The following RYR2 variants were observed in gnomAD, a reference collection of about 807,000 sequenced individuals.
The protein encoded by RYR2 is cardiac muscle ryanodine receptor-calcium release channel.
RYR2 carries 227 observed loss-of-function variants against 601.1 expected under a neutral mutation model. The ratio of observed to expected loss-of-function variants is 0.38; its 90% CI spans 0.34 to 0.42. The LOEUF (loss-of-function observed/expected upper bound fraction) is 0.42, where lower values mean the gene tolerates loss of function less well. RYR2 is among the 10% of genes least tolerant of loss of function. The probability of loss-of-function intolerance (pLI) is 1.00; values close to 1 mark genes in which losing one functional copy is unlikely to be tolerated. For missense variants in RYR2, 4,646 were observed against 6,156.5 expected, an observed-to-expected ratio of 0.75 and a Z score of 8.21; for synonymous variants, 2,223 against 2,175.1, an observed-to-expected ratio of 1.02 and a Z score of -0.61.
chr1:237,734,566 T>C lies in RYR2; in HGVS notation c.11091+810T>C, dbSNP rs192526622. On this transcript the variant is annotated intron_variant, in intron 79 of 104. Coordinates refer to ENST00000366574, the MANE Select transcript of RYR2 (RefSeq NM_001035.3). ...AGGTCTGCTTAAGGAAGTCTTTGGC[T>C]GTTGAACCATGAGTTGGCCATGCAA... Among the ~76,000 whole-genome samples the C allele has an allele frequency of 4.6e-5, 7 of 152,354 alleles. No individual in the cohort carries two copies. The South Asian group carries it at 8.3e-4, about 18-fold the overall frequency.
At chr1:237,376,718 A>T (rs1275647882) in intron 7 of RYR2, among the ~76,000 whole-genome samples, 1 of 152,208 alleles carries the variant, frequency 6.6e-6, no homozygotes, top group African/African-American at 2.4e-5. Context: ...ATGTAAACCA[A>T]GATCTTTTAT....
intron 38 of RYR2, among the ~76,000 whole-genome samples, chr1:237,619,643 A>G (rs781176514): frequency 3.4e-4 from 51 of 151,802 alleles, no homozygotes; most frequent in Non-Finnish European, 5.7e-4. Flanking sequence ...TCCGTATAGG[A>G]TAAACATAAA....
At chr1:237,571,413 C>T in intron 29 of RYR2, among the ~76,000 whole-genome samples, 1 of 151,104 alleles carries the variant, frequency 6.6e-6, no homozygotes, top group East Asian at 2.0e-4. Flanking sequence ...CTCCCAGGTT[C>T]AAGCAATTCT....
chr1:237,653,555 A>G (rs1475459954), intron 51 of RYR2, among the ~76,000 whole-genome samples: 1 of 152,250 alleles, frequency 6.6e-6, no homozygotes, highest in Non-Finnish European at 1.5e-5. Flanking sequence ...TAAATTTGAA[A>G]GAGACATAGT....
intron 1 of RYR2, among the ~76,000 whole-genome samples, chr1:237,263,037 A>C (rs958699668): frequency 6.6e-6 from 1 of 152,156 alleles, no homozygotes; most frequent in Admixed American, 6.5e-5. Context: ...AAGGGACTGC[A>C]TTGCTTTTTT....
Position 237,158,362 on chromosome 1 carries a change from C to T in RYR2, c.49-112135C>T, listed in dbSNP as rs544159566. ...GGGAAAGGACATTGAAGAGAGAGAACAAGATAAGCGTCTGGAAGAAAGAGA... is the reference window on the plus strand; with the variant it reads ...GGGAAAGGACATTGAAGAGAGAGAATAAGATAAGCGTCTGGAAGAAAGAGA... On this transcript the variant is annotated intron_variant, in intron 1 of 104. Coordinates refer to ENST00000366574, the MANE Select transcript of RYR2 (RefSeq NM_001035.3). Among the ~76,000 whole-genome samples, 16 of 152,206 alleles carry T rather than the reference C, an allele frequency of 1.1e-4. No individual in the cohort carries two copies. The South Asian group carries it at 2.3e-3, about 22-fold the overall frequency.
intron 1 of RYR2, among the ~76,000 whole-genome samples, chr1:237,132,012 C>A (rs1672223069): frequency 6.6e-6 from 1 of 152,226 alleles, no homozygotes; most frequent in South Asian, 2.1e-4. Context: ...GCATGAGCCA[C>A]CGTGTCTGGC....
At chr1:237,821,401 T>C (rs1307037231) in intron 101 of RYR2, among the ~76,000 whole-genome samples, 1 of 152,104 alleles carries the variant, frequency 6.6e-6, no homozygotes, top group Non-Finnish European at 1.5e-5. Context: ...GGAGTGGACC[T>C]CCAGCAAACT....
At chr1:237,480,378 CAAAAAAAAAAA>C (rs61271895) in intron 17 of RYR2, among the ~76,000 whole-genome samples, 2 of 57,698 alleles carry the variant, frequency 3.5e-5, no homozygotes, top group African/African-American at 5.1e-5. Flanking sequence ...AAGATCATCT[CAAAAAAAAAAA>C]AAAAAAAAAA....
Position 237,830,636 on chromosome 1 carries a change from T to C in RYR2, c.14756+6T>C. ...CACAACTTGGCTAATTACTTGTGAG[T>C]GTGCCCGTTTCAGAATCTTCCACCT... On this transcript the variant is annotated splice_donor_region_variant and intron_variant, in intron 103 of 104. Coordinates refer to ENST00000366574, the MANE Select transcript of RYR2 (RefSeq NM_001035.3). 1 of 1,502,994 alleles carries C rather than the reference T, an allele frequency of 6.7e-7. No individual in the cohort carries two copies. The highest frequency in any genetic ancestry group is 9.3e-7 in the Non-Finnish European group (1 of 1,080,194). The allele number at this position is 1,502,994 out of a possible 1,614,324, so 93.1% of individuals were successfully genotyped here.
chr1:237,227,966 CTTTT>C (rs34963620), intron 1 of RYR2, among the ~76,000 whole-genome samples: 6 of 148,584 alleles, frequency 4.0e-5, no homozygotes, highest in East Asian at 3.9e-4. Flanking sequence ...TTGTTTTTGC[CTTTT>C]TTTTTTTATT....
chr1:237,277,748 A>T (rs1220284321), intron 2 of RYR2, among the ~76,000 whole-genome samples: 1 of 151,918 alleles, frequency 6.6e-6, no homozygotes, highest in African/African-American at 2.4e-5. Context: ...TGAGCCTAAC[A>T]GTTTGAGGCT....
In RYR2 at chr1:237,579,259, T is replaced by C. The variant is rs1331142634; in HGVS notation, c.3598+9940T>C. ...TACTTCTTCTTCTTCTTTTTTTTTT[T>C]TTTTTTTTTTTTTTGAGACAGAGTT... On this transcript the variant is annotated intron_variant, in intron 29 of 104. Transcript: ENST00000366574. 3.6e-3 allele frequency among the ~76,000 whole-genome samples: 515 copies of C among 145,064 alleles called. 3 individuals carry two copies. Among genetic ancestry groups the C allele is most frequent in the East Asian group, 0.021 (107 of 5,004 alleles).
At chr1:237,197,049 CAT>C (rs1377947584) in intron 1 of RYR2, among the ~76,000 whole-genome samples, 4 of 152,130 alleles carry the variant, frequency 2.6e-5, no homozygotes, top group Admixed American at 6.5e-5. Context: ...TCTTTAAAAA[CAT>C]ATATGTTCTG....
intron 98 of RYR2, among the ~76,000 whole-genome samples, chr1:237,805,878 A>G (rs1427120491): frequency 2.6e-5 from 4 of 152,142 alleles, no homozygotes; most frequent in Non-Finnish European, 5.9e-5. Flanking sequence ...AGAACCCCAG[A>G]ACTTATTTTT....
chr1:237,356,473 A>G (rs1268518333), intron 4 of RYR2, among the ~76,000 whole-genome samples: 4 of 151,122 alleles, frequency 2.6e-5, no homozygotes, highest in African/African-American at 9.8e-5. Context: ...TATGTTGCCC[A>G]GGCTGGTCTT....
At chr1:237,473,459 T>TTCTTTCTA (rs1450110678) in intron 17 of RYR2, among the ~76,000 whole-genome samples, 26 of 136,678 alleles carry the variant, frequency 1.9e-4, no homozygotes, top group African/African-American at 2.3e-4. Context: ...CTTTCTTTCT[T>TTCTTTCTA]TCTATCTATC....
At chr1:237,074,050 C>G (rs984360569) in intron 1 of RYR2, among the ~76,000 whole-genome samples, 6 of 151,930 alleles carry the variant, frequency 3.9e-5, no homozygotes, top group Admixed American at 6.6e-5. Flanking sequence ...TAAATGATGG[C>G]TCATGTCTGT....
intron 6 of RYR2, among the ~76,000 whole-genome samples, chr1:237,369,971 A>C (rs958334967): frequency 3.3e-5 from 5 of 152,204 alleles, no homozygotes; most frequent in African/African-American, 7.2e-5. Flanking sequence ...GATCAGATTT[A>C]AGAAAATCTA....
Sources: gnomAD v4.1 joint callset for allele counts (sites outside exome capture counted in the v4.1 genomes callset) on GRCh38, gnomAD v4.1.1 for gene constraint, MANE v1.5 for transcripts, NCBI Gene and HGNC (gene_info 2026-07-23, HGNC 2026-07-21) for gene names.